PSTPIP2: variants seen among roughly 807,000 people sequenced by gnomAD.
The protein encoded by PSTPIP2 is proline-serine-threonine phosphatase-interacting protein 2.
Under a neutral mutation model 63.3 loss-of-function variants are expected in PSTPIP2, and 33 were observed. The observed-to-expected ratio is 0.52, with a 90% CI of 0.40 to 0.70. PSTPIP2 has a LOEUF of 0.70. PSTPIP2 is among the 30% of genes least tolerant of loss of function. The probability of loss-of-function intolerance (pLI) is 0.00; values close to 1 mark genes in which losing one functional copy is unlikely to be tolerated. For missense variants in PSTPIP2, 312 were observed against 400.7 expected (o/e 0.78, Z 1.89); for synonymous variants, 125 against 132.7 (o/e 0.94, Z 0.40).
intron 5 of PSTPIP2, among the ~76,000 whole-genome samples, chr18:46,009,551 T>C (rs957190998): frequency 2.5e-4 from 38 of 152,174 alleles, no homozygotes; most frequent in African/African-American, 7.0e-4. Flanking sequence ...GGCAGGGGAC[T>C]GAGCACAGGT....
At chr18:46,038,872 C>T (rs1297301442) in intron 2 of PSTPIP2, among the ~76,000 whole-genome samples, 2 of 152,160 alleles carry the variant, frequency 1.3e-5, no homozygotes, top group African/African-American at 4.8e-5. Context: ...CGTGGTGGCT[C>T]ACACCTGTAA....
chr18:46,009,347 CAA>C (rs1004773617), intron 5 of PSTPIP2, among the ~76,000 whole-genome samples: 2 of 113,774 alleles, frequency 1.8e-5, no homozygotes, highest in Non-Finnish European at 3.4e-5. Context: ...CATTTTCTTC[CAA>C]AGTTTTATGG....
At chr18:45,990,522 C>G (rs2051517165) in intron 13 of PSTPIP2, among the ~76,000 whole-genome samples, 200 bp downstream of exon 13, 1 of 152,116 alleles carries the variant, frequency 6.6e-6, no homozygotes, top group Non-Finnish European at 1.5e-5. Context: ...CTCCACCTCC[C>G]AGGTTCAAAC....
intron 10 of PSTPIP2, 67 bp downstream of exon 10, chr18:45,993,537 TA>T (rs1444519415): frequency 5.5e-6 from 8 of 1,448,866 alleles, no homozygotes; most frequent in Non-Finnish European, 5.8e-6. Flanking sequence ...AATCAATATC[TA>T]TAGTTCCTTC....
chr18:46,064,519 C>A (rs547454284), intron 1 of PSTPIP2, among the ~76,000 whole-genome samples: 9 of 147,474 alleles, frequency 6.1e-5, no homozygotes, highest in African/African-American at 2.3e-4. Context: ...AGCCTGGTCT[C>A]CAACTCCTGA....
intron 1 of PSTPIP2, among the ~76,000 whole-genome samples, chr18:46,070,670 T>C (rs1030058233): frequency 1.2e-4 from 19 of 152,016 alleles, no homozygotes; most frequent in Admixed American, 3.9e-4. Flanking sequence ...TGCACCACCA[T>C]GCCCAGCTAA....
At chr18:46,040,242 C>T in intron 1 of PSTPIP2, 195 bp from the exon 2 acceptor site, 1 of 455,276 alleles carries the variant, frequency 2.2e-6, no homozygotes, top group South Asian at 3.4e-5. Context: ...TGTTTCAGTT[C>T]CTTCAAGGAA....
At position 45,993,656 on chromosome 18, in the gene PSTPIP2, T is replaced by C. The variant is rs1400195789; in HGVS notation, c.690A>G (p.Ala230=). 1 of 1,614,060 alleles carries C rather than the reference T, an allele frequency of 6.2e-7. No individual in the cohort carries two copies. The highest frequency in any genetic ancestry group is 8.5e-7 in the Non-Finnish European group (1 of 1,180,046). ...ECERINFFRN[A]LWLHVNQLSQ... ...ACAGCTGATTCACATGTAACCACAATGCATTCCGGAAGAAGTTTATTCGTT... is the reference window on the plus strand; with the variant it reads ...ACAGCTGATTCACATGTAACCACAACGCATTCCGGAAGAAGTTTATTCGTT... The change falls in exon 10 of 15, where the codon GCA becomes GCG. Residue 230 remains alanine (A), a synonymous_variant. Transcript: ENST00000409746.
chr18:46,030,880 A>G (rs1907767954), intron 2 of PSTPIP2, among the ~76,000 whole-genome samples: 1 of 152,218 alleles, frequency 6.6e-6, no homozygotes, highest in African/African-American at 2.4e-5. Flanking sequence ...GCCTGGGGCC[A>G]TCCCAAATTT....
intron 1 of PSTPIP2, among the ~76,000 whole-genome samples, chr18:46,049,008 A>ATGTGTGTGTGTG (rs59638072): frequency 2.0e-4 from 27 of 136,372 alleles, no homozygotes; most frequent in African/African-American, 7.3e-4. Flanking sequence ...GAAAAAAAGC[A>ATGTGTGTGTGTG]TGTGTGTGTG....
At chr18:45,990,859 T>C in intron 12 of PSTPIP2, 103 bp from the exon 13 acceptor site, 2 of 944,794 alleles carry the variant, frequency 2.1e-6, no homozygotes, top group South Asian at 3.3e-5. Context: ...AGATCTGGTT[T>C]CTGCACTGGA....
chr18:45,991,143 T>C (rs946992092), intron 12 of PSTPIP2, among the ~76,000 whole-genome samples: 3 of 152,182 alleles, frequency 2.0e-5, no homozygotes, highest in Non-Finnish European at 4.4e-5. Flanking sequence ...ACACTAACTG[T>C]TTTGAACAGT....
intron 2 of PSTPIP2, among the ~76,000 whole-genome samples, chr18:46,030,958 A>G (rs746373938): frequency 2.0e-5 from 3 of 152,192 alleles, no homozygotes; most frequent in Non-Finnish European, 2.9e-5. Flanking sequence ...TCTTTATTTA[A>G]TTCAATAACT....
chr18:46,038,036 C>T (rs1908045981), intron 2 of PSTPIP2, among the ~76,000 whole-genome samples: 1 of 152,074 alleles, frequency 6.6e-6, no homozygotes, highest in Non-Finnish European at 1.5e-5. Flanking sequence ...ATTTGTGAGC[C>T]ATAAATCAAT....
intron 9 of PSTPIP2, among the ~76,000 whole-genome samples, chr18:45,995,077 T>A (rs1344286224): frequency 6.6e-6 from 1 of 151,432 alleles, no homozygotes; most frequent in Non-Finnish European, 1.5e-5. Context: ...TTGTTTTTTA[T>A]GGGGAAGGGG....
At chr18:46,066,114 C>A (rs891420432) in intron 1 of PSTPIP2, among the ~76,000 whole-genome samples, 12 of 151,832 alleles carry the variant, frequency 7.9e-5, no homozygotes, top group African/African-American at 2.7e-4. Context: ...CCAAGGCAGG[C>A]AGATTGCTTG....
chr18:46,006,424 T>C (rs1599708241), intron 5 of PSTPIP2, among the ~76,000 whole-genome samples: 1 of 137,216 alleles, frequency 7.3e-6, no homozygotes, highest in Admixed American at 8.4e-5. Context: ...CAGGCTAGAG[T>C]GCAGTGGTGC....
intron 1 of PSTPIP2, among the ~76,000 whole-genome samples, chr18:46,068,605 A>G (rs952130911): frequency 6.6e-6 from 1 of 151,572 alleles, no homozygotes; most frequent in Non-Finnish European, 1.5e-5. Context: ...GCCGGCTTAC[A>G]CCTCTTATCC....
chr18:45,986,641 A>G (rs902850331), intron 14 of PSTPIP2, among the ~76,000 whole-genome samples: 1 of 152,212 alleles, frequency 6.6e-6, no homozygotes, highest in Non-Finnish European at 1.5e-5. Context: ...GGCTTATGAA[A>G]TGAAGAAGAA....
Sources: allele counts gnomAD v4.1 joint callset (sites outside exome capture counted in the v4.1 genomes callset), GRCh38; gene constraint gnomAD v4.1.1; transcripts MANE v1.5; gene names NCBI Gene and HGNC (gene_info 2026-07-23, HGNC 2026-07-21).